The following CAST variants were observed in gnomAD, a reference collection of about 807,000 sequenced individuals.
CAST encodes MIR583 host.
In CAST, 76 loss-of-function variants were observed where a neutral mutation model predicts 119.6. The observed-to-expected ratio is 0.64, with a 90% CI of 0.53 to 0.77. The LOEUF (loss-of-function observed/expected upper bound fraction) is 0.77. Among genes scored for constraint, CAST ranks in the 30% least tolerant of loss-of-function variants. CAST has a pLI of 0.00. For synonymous variants in CAST, 319 were observed against 331.6 expected (o/e 0.96, Z 0.41); for missense variants, 953 against 946.5 (o/e 1.01, Z -0.09).
the CAST span, among the ~76,000 whole-genome samples, chr5:96,359,205 C>G: frequency 6.6e-6 from 1 of 152,142 alleles, no homozygotes; most frequent in Non-Finnish European, 1.5e-5. Context: ...TTCTCCATCC[C>G]TTTATCTTGA....
the CAST span, among the ~76,000 whole-genome samples, chr5:96,299,983 A>T: frequency 6.6e-6 from 1 of 151,974 alleles, no homozygotes; most frequent in Non-Finnish European, 1.5e-5. Context: ...CAGTTGTTTG[A>T]GTTGCTTATG....
At chr5:96,030,061 C>A in the CAST span, among the ~76,000 whole-genome samples, 9 of 151,976 alleles carry the variant, frequency 5.9e-5, no homozygotes, top group African/African-American at 1.7e-4. Flanking sequence ...AAAAGCAAGA[C>A]AAATATATTT....
chr5:96,362,071 A>C, the CAST span, among the ~76,000 whole-genome samples: 1 of 151,884 alleles, frequency 6.6e-6, no homozygotes, highest in Non-Finnish European at 1.5e-5. Context: ...CCTATGGGTG[A>C]GAACATGCGG....
At chr5:96,372,921 G>T in the CAST span, among the ~76,000 whole-genome samples, 1 of 152,172 alleles carries the variant, frequency 6.6e-6, no homozygotes, top group Non-Finnish European at 1.5e-5. Context: ...ATGAAAAAGA[G>T]CTTCACAGAT....
At chr5:96,096,093 A>G in the CAST span, among the ~76,000 whole-genome samples, 1 of 152,174 alleles carries the variant, frequency 6.6e-6, no homozygotes, top group Non-Finnish European at 1.5e-5. Flanking sequence ...TTCATCCTTT[A>G]CCTAATCTCA....
At chr5:96,327,615 A>G in the CAST span, among the ~76,000 whole-genome samples, 1 of 152,248 alleles carries the variant, frequency 6.6e-6, no homozygotes, top group Non-Finnish European at 1.5e-5. Context: ...TTTTAGAATC[A>G]GTAATAAAGT....
At chr5:96,421,018 G>A in the CAST span, among the ~76,000 whole-genome samples, 1 of 152,190 alleles carries the variant, frequency 6.6e-6, no homozygotes. Flanking sequence ...AAATGAAAAG[G>A]AAAGTTTGAG....
chr5:96,178,667 T>G, the CAST span, among the ~76,000 whole-genome samples: 2 of 152,102 alleles, frequency 1.3e-5, no homozygotes, highest in Non-Finnish European at 2.9e-5. Flanking sequence ...GGGAGAGCCT[T>G]GTTTGTTATG....
At chr5:96,365,445 T>C in the CAST span, among the ~76,000 whole-genome samples, 1 of 152,196 alleles carries the variant, frequency 6.6e-6, no homozygotes, top group Admixed American at 6.5e-5. Flanking sequence ...CCCATTATTA[T>C]TGTGTGGTAG....
chr5:96,431,562 G>C, the CAST span, among the ~76,000 whole-genome samples: 32 of 152,190 alleles, frequency 2.1e-4, no homozygotes, highest in African/African-American at 7.7e-4. Flanking sequence ...CCCCTAACAC[G>C]GAGCCTGGCA....
At chr5:96,339,790 G>A in the CAST span, among the ~76,000 whole-genome samples, 1 of 152,112 alleles carries the variant, frequency 6.6e-6, no homozygotes, top group African/African-American at 2.4e-5. Context: ...TGCAGGTAGA[G>A]CGAGTAGTTG....
At chr5:96,302,146 C>G in the CAST span, among the ~76,000 whole-genome samples, 5 of 152,158 alleles carry the variant, frequency 3.3e-5, no homozygotes, top group Non-Finnish European at 2.9e-5. Context: ...AAGCCCTTGT[C>G]GCTTACAGCT....
chr5:96,569,477 T>A (rs1746533753), intron 1 of CAST, among the ~76,000 whole-genome samples: 1 of 152,238 alleles, frequency 6.6e-6, no homozygotes, highest in South Asian at 2.1e-4. Context: ...CCTATGCCGC[T>A]GTTCTTATAA....
chr5:96,616,970 C>A (rs35407378), intron 1 of CAST, among the ~76,000 whole-genome samples: 8 of 152,104 alleles, frequency 5.3e-5, no homozygotes, highest in Non-Finnish European at 1.0e-4. Flanking sequence ...CTTTCAGCCG[C>A]ACTTCCCTGT....
the CAST span, among the ~76,000 whole-genome samples, chr5:96,288,650 C>A: frequency 6.6e-6 from 1 of 152,036 alleles, no homozygotes; most frequent in Non-Finnish European, 1.5e-5. Context: ...GACTGGGAAA[C>A]CTTAGACATA....
chr5:96,582,508 C>T (rs770714338), intron 1 of CAST, among the ~76,000 whole-genome samples: 5 of 152,164 alleles, frequency 3.3e-5, no homozygotes, highest in Non-Finnish European at 7.3e-5. Flanking sequence ...ATAAGTGACT[C>T]GCTGTGTGTC....
At chr5:96,286,390 C>A in the CAST span, among the ~76,000 whole-genome samples, 1 of 152,116 alleles carries the variant, frequency 6.6e-6, no homozygotes, top group Non-Finnish European at 1.5e-5. Context: ...ATGGAAGCTG[C>A]AAACAATTAT....
At chr5:96,202,306 TCC>T in the CAST span, among the ~76,000 whole-genome samples, 1 of 152,062 alleles carries the variant, frequency 6.6e-6, no homozygotes, top group East Asian at 1.9e-4. Context: ...GACATATTTA[TCC>T]CAGTAGCATT....
chr5:96,739,973 A>G, intron 11 of CAST, 65 bp from the exon 12 acceptor site: 2 of 744,450 alleles, frequency 2.7e-6, no homozygotes, highest in Non-Finnish European at 4.6e-6. Context: ...TAGTTTCAGA[A>G]TATGCATATA....
Sources: allele counts gnomAD v4.1 joint callset (sites outside exome capture counted in the v4.1 genomes callset), GRCh38; gene constraint gnomAD v4.1.1; transcripts MANE v1.5; gene names NCBI Gene and HGNC (gene_info 2026-07-23, HGNC 2026-07-21).